The following USP25 variants were observed in gnomAD, a reference collection of about 807,000 sequenced individuals.
USP25 encodes the protein ubiquitin specific peptidase 25.
In USP25, 85 loss-of-function variants were observed where a neutral mutation model predicts 158.5. That is an observed-to-expected ratio of 0.54 (90% confidence interval 0.45 to 0.64). The LOEUF (loss-of-function observed/expected upper bound fraction) is 0.64, where lower values mean the gene tolerates loss of function less well. Among genes scored for constraint, USP25 ranks in the 30% least tolerant of loss-of-function variants. USP25 has a pLI of 0.00. For missense variants in USP25, 1,242 were observed against 1,327.3 expected, an observed-to-expected ratio of 0.94 and a Z score of 1.00; for synonymous variants, 464 against 460.4, an observed-to-expected ratio of 1.01 and a Z score of -0.10.
intron 17 of USP25, among the ~76,000 whole-genome samples, chr21:15,840,460 G>A (rs182357190): frequency 2.5e-4 from 38 of 152,068 alleles, no homozygotes; most frequent in African/African-American, 9.2e-4. Flanking sequence ...AACATGTTGG[G>A]AATGCAATTT....
chr21:15,849,412 T>C (rs1289922718), intron 19 of USP25, among the ~76,000 whole-genome samples: 1 of 152,132 alleles, frequency 6.6e-6, no homozygotes, highest in Non-Finnish European at 1.5e-5. Context: ...CATGATGAGC[T>C]CTCTGAGGCT....
chr21:15,812,829 A>G (rs145870624), intron 9 of USP25, among the ~76,000 whole-genome samples: 361 of 152,272 alleles, frequency 2.4e-3, no homozygotes, highest in African/African-American at 8.3e-3. Flanking sequence ...CTTTTTACAT[A>G]GATCTTCCTA....
chr21:15,735,657 T>C (rs905425387), intron 1 of USP25, among the ~76,000 whole-genome samples: 1 of 152,146 alleles, frequency 6.6e-6, no homozygotes, highest in African/African-American at 2.4e-5. Context: ...TTCCTGTGCT[T>C]TTGGAATTGT....
intron 1 of USP25, among the ~76,000 whole-genome samples, chr21:15,733,797 G>A (rs771472232): frequency 2.0e-5 from 3 of 152,060 alleles, no homozygotes; most frequent in Non-Finnish European, 2.9e-5. Flanking sequence ...AGCCGAGATC[G>A]CGCCATTGCA....
Position 15,791,581 on chromosome 21 carries a change from C to T in USP25, c.472C>T (p.Pro158Ser), listed in dbSNP as rs747379224. The change falls in exon 5 of 26, where the codon CCT becomes TCT. Residue 158 changes from proline (P) to serine (S), a missense_variant. Physicochemically the swap from Pro to Ser is moderately conservative, Grantham distance 74. This residue lies in a region of USP25 where 627 missense variants were observed against 701.4 expected (regional missense o/e 0.89). Coordinates refer to ENST00000400183, the MANE Select transcript of USP25 (RefSeq NM_001283041.3). Reference sequence around the variant, plus strand: ...AGAAGTTTGGAGGGATTCTCGAAACCCTTATGATAGAAAAAGACAGGACAA... The same window carrying T: ...AGAAGTTTGGAGGGATTCTCGAAACTCTTATGATAGAAAAAGACAGGACAA... ...PTEVWRDSRN[P>S]YDRKRQDKAP... The T allele has an allele frequency of 1.2e-6, 2 of 1,611,434 alleles. No homozygotes were observed. Among genetic ancestry groups the T allele is most frequent in the Non-Finnish European group, 1.7e-6 (2 of 1,178,352 alleles).
chr21:15,864,053 T>C (rs201021996), intron 20 of USP25, among the ~76,000 whole-genome samples: 4 of 134,800 alleles, frequency 3.0e-5, no homozygotes. Context: ...TTTTTTTTTT[T>C]AAAAGAAGGG....
intron 2 of USP25, 22 bp from the exon 3 acceptor site, chr21:15,765,975 A>T (rs1388498360): frequency 1.3e-6 from 2 of 1,589,960 alleles, no homozygotes; most frequent in Admixed American, 1.8e-5. Flanking sequence ...AACACTTGAT[A>T]CTCCTTTCTT....
intron 20 of USP25, among the ~76,000 whole-genome samples, chr21:15,857,689 T>A (rs78829878): frequency 2.7e-3 from 412 of 152,260 alleles, no homozygotes; most frequent in African/African-American, 9.5e-3. Flanking sequence ...CTTTTAAATT[T>A]ATTTTTTGTG....
At chr21:15,743,017 C>T (rs1601248885) in intron 1 of USP25, among the ~76,000 whole-genome samples, 1 of 152,246 alleles carries the variant, frequency 6.6e-6, no homozygotes, top group East Asian at 1.9e-4. Context: ...GTCATAGCTT[C>T]TGCCTGGGGA....
intron 17 of USP25, among the ~76,000 whole-genome samples, chr21:15,839,316 A>G (rs957318544): frequency 1.3e-5 from 2 of 152,100 alleles, no homozygotes; most frequent in Admixed American, 1.3e-4. Flanking sequence ...GTGGGCCACT[A>G]GTGATGGGGT....
At chr21:15,854,294 C>T (rs1035621877) in intron 20 of USP25, among the ~76,000 whole-genome samples, 8 of 151,912 alleles carry the variant, frequency 5.3e-5, no homozygotes, top group African/African-American at 1.9e-4. Flanking sequence ...TACAGGGGCC[C>T]GCCACCACAC....
intron 20 of USP25, among the ~76,000 whole-genome samples, chr21:15,857,221 A>G (rs963724188): frequency 2.0e-5 from 3 of 152,236 alleles, no homozygotes; most frequent in Non-Finnish European, 4.4e-5. Context: ...AGTGTCTGTC[A>G]CATAAAGAAC....
At chr21:15,849,000 T>A (rs376474338) in intron 19 of USP25, among the ~76,000 whole-genome samples, 1 of 141,002 alleles carries the variant, frequency 7.1e-6, no homozygotes, top group East Asian at 2.0e-4. Context: ...ACAAAAAAAA[T>A]GCTTAAGTAT....
intron 1 of USP25, among the ~76,000 whole-genome samples, chr21:15,754,751 T>C (rs1057093260): frequency 1.4e-4 from 21 of 152,182 alleles, no homozygotes; most frequent in African/African-American, 4.8e-4. Flanking sequence ...GGAAAATTCC[T>C]CAGACAAGTC....
intron 1 of USP25, among the ~76,000 whole-genome samples, chr21:15,747,646 C>G (rs1025934638): frequency 2.6e-5 from 4 of 152,046 alleles, no homozygotes; most frequent in African/African-American, 9.7e-5. Flanking sequence ...TATCCGATAA[C>G]TGAGATGGCT....
chr21:15,838,809 TAGAA>T (rs1365423880), intron 17 of USP25, among the ~76,000 whole-genome samples: 1 of 152,212 alleles, frequency 6.6e-6, no homozygotes. Context: ...TACTCTTTAA[TAGAA>T]AGCCAATTGG....
intron 7 of USP25, among the ~76,000 whole-genome samples, chr21:15,807,333 T>C (rs769743012): frequency 2.7e-4 from 41 of 152,354 alleles, no homozygotes; most frequent in Non-Finnish European, 4.3e-4. Flanking sequence ...CTGAAAAATA[T>C]TGTGTTAGCT....
chr21:15,774,079 T>A (rs2034506095), intron 3 of USP25, among the ~76,000 whole-genome samples: 1 of 152,190 alleles, frequency 6.6e-6, no homozygotes, highest in Non-Finnish European at 1.5e-5. Flanking sequence ...TTCTTTTTAA[T>A]GCTATACCCA....
At chr21:15,777,043 A>C (rs540022686) in intron 3 of USP25, among the ~76,000 whole-genome samples, 1 of 152,334 alleles carries the variant, frequency 6.6e-6, no homozygotes, top group East Asian at 1.9e-4. Flanking sequence ...GGGAGTATTT[A>C]TCATTGGCAT....
Sources: allele counts gnomAD v4.1 joint callset (sites outside exome capture counted in the v4.1 genomes callset), GRCh38; gene constraint gnomAD v4.1.1; regional missense constraint gnomAD v4.1.1; transcripts MANE v1.5; gene names NCBI Gene and HGNC (gene_info 2026-07-23, HGNC 2026-07-21).